TRHDE: variants seen among roughly 807,000 people sequenced by gnomAD.
TRHDE encodes thyrotropin releasing hormone degrading enzyme.
A neutral mutation model predicts 125.7 loss-of-function variants in TRHDE; 72 were observed. The ratio of observed to expected loss-of-function variants is 0.57; its 90% CI spans 0.47 to 0.70. The LOEUF is 0.70. Ranked by LOEUF, TRHDE falls within the 30% of genes least tolerant of loss-of-function variation. The probability of loss-of-function intolerance (pLI) is 0.00; values close to 1 mark genes in which losing one functional copy is unlikely to be tolerated. For missense variants in TRHDE, 1,110 were observed against 1,327.1 expected (o/e 0.84, Z 2.54); for synonymous variants, 509 against 509.1 (o/e 1.00, Z 0.00).
chr12:72,629,744 A>C (rs896803823), intron 15 of TRHDE, among the ~76,000 whole-genome samples: 23 of 151,728 alleles, frequency 1.5e-4, no homozygotes, highest in Middle Eastern at 3.4e-3. Context: ...ATTGCCAACC[A>C]CTACAAAGAA....
intron 12 of TRHDE, among the ~76,000 whole-genome samples, chr12:72,588,450 T>C (rs1871532490): frequency 6.6e-6 from 1 of 152,110 alleles, no homozygotes; most frequent in African/African-American, 2.4e-5. Flanking sequence ...ATGGAGTAAG[T>C]AAGGAGCATT....
intron 2 of TRHDE, among the ~76,000 whole-genome samples, chr12:72,251,790 A>G (rs1878692010): frequency 6.6e-6 from 1 of 152,112 alleles, no homozygotes; most frequent in Non-Finnish European, 1.5e-5. Context: ...CTAGCAATGC[A>G]TGAGTGATTC....
intron 2 of TRHDE, among the ~76,000 whole-genome samples, chr12:72,360,231 C>CA: frequency 6.6e-6 from 1 of 151,798 alleles, no homozygotes; most frequent in South Asian, 2.1e-4. Context: ...CTAAAGAGAA[C>CA]ATTTGATATT....
At chr12:72,284,337 A>G (rs1879803413) in intron 1 of TRHDE, among the ~76,000 whole-genome samples, 1 of 152,116 alleles carries the variant, frequency 6.6e-6, no homozygotes, top group Non-Finnish European at 1.5e-5. Flanking sequence ...AGTAACTTCG[A>G]CTCATAAATA....
At chr12:72,462,604 A>T (rs1355193905) in intron 3 of TRHDE, among the ~76,000 whole-genome samples, 3 of 152,168 alleles carry the variant, frequency 2.0e-5, no homozygotes, top group African/African-American at 7.2e-5. Flanking sequence ...TATGCTTGGT[A>T]CTATGCTAGC....
At chr12:72,244,019 ATC>A (rs964163637) in intron 2 of TRHDE, among the ~76,000 whole-genome samples, 40 of 152,082 alleles carry the variant, frequency 2.6e-4, no homozygotes, top group African/African-American at 9.4e-4. Context: ...TCCCTCAAAT[ATC>A]TCTGTTCATG....
At chr12:72,312,552 T>C (rs1021057874) in intron 2 of TRHDE, among the ~76,000 whole-genome samples, 6 of 152,196 alleles carry the variant, frequency 3.9e-5, no homozygotes, top group Admixed American at 1.3e-4. Flanking sequence ...TCGGTTATTA[T>C]GTAACAATGT....
intron 10 of TRHDE, among the ~76,000 whole-genome samples, chr12:72,573,155 A>G (rs992646975): frequency 6.6e-6 from 1 of 151,924 alleles, no homozygotes; most frequent in African/African-American, 2.4e-5. Flanking sequence ...TTTTTACAAT[A>G]AAAAAGAAAC....
intron 2 of TRHDE, among the ~76,000 whole-genome samples, chr12:72,351,199 G>A (rs2135740563): frequency 6.6e-6 from 1 of 152,096 alleles, no homozygotes; most frequent in African/African-American, 2.4e-5. Context: ...TGATAATCAG[G>A]TGTGCTGAAG....
At chr12:72,482,349 G>C (rs1032860518) in intron 5 of TRHDE, among the ~76,000 whole-genome samples, 1 of 151,792 alleles carries the variant, frequency 6.6e-6, no homozygotes, top group Admixed American at 6.6e-5. Flanking sequence ...ACCTCAATCA[G>C]GTTGTTCTAA....
intron 3 of TRHDE, among the ~76,000 whole-genome samples, chr12:72,451,271 A>G (rs1875555951): frequency 6.6e-6 from 1 of 152,086 alleles, no homozygotes; most frequent in Non-Finnish European, 1.5e-5. Context: ...TTATGTTTAT[A>G]TCTTTAACCC....
At chr12:72,217,638 A>G (rs1877919331) in intron 2 of TRHDE, among the ~76,000 whole-genome samples, 1 of 152,186 alleles carries the variant, frequency 6.6e-6, no homozygotes, top group African/African-American at 2.4e-5. Context: ...TTATGCTGGA[A>G]GAACAGTGCA....
chr12:72,213,631 C>T (rs1210717440), intron 2 of TRHDE, among the ~76,000 whole-genome samples: 1 of 152,086 alleles, frequency 6.6e-6, no homozygotes, highest in East Asian at 1.9e-4. Flanking sequence ...CTGCAAAGAT[C>T]AAACTGCAAC....
chr12:72,259,063 G>A (rs1165914715), intron 2 of TRHDE, among the ~76,000 whole-genome samples: 6 of 152,182 alleles, frequency 3.9e-5, no homozygotes, highest in Admixed American at 3.9e-4. Context: ...TTGAAACTCT[G>A]TAAAATTCTG....
At chr12:72,642,514 A>G (rs561553121) in intron 15 of TRHDE, among the ~76,000 whole-genome samples, 2 of 152,168 alleles carry the variant, frequency 1.3e-5, no homozygotes, top group African/African-American at 4.8e-5. Context: ...TCAGTATCCT[A>G]AAAAAGATGA....
intron 2 of TRHDE, among the ~76,000 whole-genome samples, chr12:72,315,517 T>C (rs1358494336): frequency 6.6e-6 from 1 of 152,214 alleles, no homozygotes; most frequent in African/African-American, 2.4e-5. Context: ...TCTAAATACT[T>C]AAAACAGTAA....
chr12:72,526,140 A>T (rs1290798537), intron 6 of TRHDE, among the ~76,000 whole-genome samples: 3 of 152,014 alleles, frequency 2.0e-5, no homozygotes, highest in Admixed American at 2.0e-4. Context: ...TGACATTTTT[A>T]CCTATAACCT....
chr12:72,118,848 A>G (rs1875510060), intron 2 of TRHDE, among the ~76,000 whole-genome samples: 1 of 152,072 alleles, frequency 6.6e-6, no homozygotes, highest in Non-Finnish European at 1.5e-5. Flanking sequence ...TGCTCATAGT[A>G]GCCTCTAATA....
intron 12 of TRHDE, among the ~76,000 whole-genome samples, chr12:72,598,894 C>G (rs765858001): frequency 3.3e-5 from 5 of 152,042 alleles, no homozygotes; most frequent in Admixed American, 6.6e-5. Flanking sequence ...TCCCTTACCC[C>G]TCTAATAGTC....
Sources: gnomAD v4.1 joint callset for allele counts (sites outside exome capture counted in the v4.1 genomes callset) on GRCh38, gnomAD v4.1.1 for gene constraint, MANE v1.5 for transcripts, NCBI Gene and HGNC (gene_info 2026-07-23, HGNC 2026-07-21) for gene names.